The following KSR2 variants were observed in gnomAD, a reference collection of about 807,000 sequenced individuals.
KSR2 encodes the protein kinase suppressor of ras 2.
KSR2 carries 25 observed loss-of-function variants against 107.8 expected under a neutral mutation model. The ratio of observed to expected loss-of-function variants is 0.23; its 90% CI spans 0.17 to 0.32. The LOEUF (loss-of-function observed/expected upper bound fraction) is 0.32, where lower values mean the gene tolerates loss of function less well. KSR2 is among the 10% of genes least tolerant of loss of function. The pLI, the probability that KSR2 is intolerant of heterozygous loss-of-function variation, is 1.00. For synonymous variants in KSR2, 480 were observed against 507.0 expected (o/e 0.95, Z 0.71); for missense variants, 887 against 1,268.9 (o/e 0.70, Z 4.57).
chr12:117,821,986 C>G (rs1312932572), intron 3 of KSR2, among the ~76,000 whole-genome samples: 1 of 152,160 alleles, frequency 6.6e-6, no homozygotes, highest in Non-Finnish European at 1.5e-5. Flanking sequence ...AAAGATCTTC[C>G]TGATAAAACA....
intron 3 of KSR2, among the ~76,000 whole-genome samples, chr12:117,840,009 A>T (rs1285792998): frequency 6.6e-6 from 1 of 152,218 alleles, no homozygotes; most frequent in African/African-American, 2.4e-5. Context: ...AAAGAAAATC[A>T]TCACCCTTAA....
chr12:117,968,305 A>AGCG lies in KSR2; in HGVS notation c.-51_-50insCGC. On this transcript the variant is annotated 5_prime_UTR_variant, in exon 1 of 20. Coordinates refer to ENST00000339824, the MANE Select transcript of KSR2 (RefSeq NM_173598.6). Reference sequence around the variant, plus strand: ...CTCCTCCTCCTCCCAGAGAGAAAAAAGAGGGGGGGGAGTAGAGGTAGTCTA... The same window carrying AGCG: ...CTCCTCCTCCTCCCAGAGAGAAAAAAGCGGAGGGGGGGGAGTAGAGGTAGTCTA... 2.7e-6 allele frequency: 3 copies of AGCG among 1,110,342 alleles called. No homozygotes were observed. Among genetic ancestry groups the AGCG allele is most frequent in the Non-Finnish European group, 3.5e-6 (3 of 858,906 alleles). 68.8% of individuals were successfully genotyped at this position (1,110,342 alleles called of 1,614,324 possible). A position where few individuals can be genotyped will look rare whatever the true frequency, so the allele number is the denominator to read the frequency against.
intron 5 of KSR2, among the ~76,000 whole-genome samples, chr12:117,638,293 T>A (rs1388817131): frequency 6.6e-6 from 1 of 152,172 alleles, no homozygotes. Flanking sequence ...CCTTTTAAAT[T>A]CCGGTTAAAC....
chr12:117,663,583 A>G (rs1884527146), intron 5 of KSR2, among the ~76,000 whole-genome samples: 1 of 152,226 alleles, frequency 6.6e-6, no homozygotes, highest in South Asian at 2.1e-4. Context: ...TAGGGAATTT[A>G]CATGCATTTC....
intron 14 of KSR2, among the ~76,000 whole-genome samples, chr12:117,498,112 G>T (rs1873154779): frequency 6.6e-6 from 1 of 152,170 alleles, no homozygotes; most frequent in Non-Finnish European, 1.5e-5. Context: ...CCTACAGTGA[G>T]TAGGCAACAG....
chr12:117,925,126 T>C (rs1895472156), intron 1 of KSR2, among the ~76,000 whole-genome samples: 1 of 151,426 alleles, frequency 6.6e-6, no homozygotes, highest in Non-Finnish European at 1.5e-5. Flanking sequence ...ATATTTTCTT[T>C]CTTTTTTTTT....
intron 3 of KSR2, among the ~76,000 whole-genome samples, chr12:117,840,050 G>A (rs1312318949): frequency 2.0e-5 from 3 of 151,716 alleles, no homozygotes; most frequent in Non-Finnish European, 4.4e-5. Flanking sequence ...ATATCCAAGT[G>A]GATTTCCTTC....
chr12:117,710,061 C>T (rs1886696590), intron 4 of KSR2, among the ~76,000 whole-genome samples: 1 of 152,184 alleles, frequency 6.6e-6, no homozygotes, highest in South Asian at 2.1e-4. Flanking sequence ...CCTTTGGCAT[C>T]CCATTGGTAT....
In KSR2 at chr12:117,467,147, G is replaced by A. The variant is rs1871185173; in HGVS notation, c.*52C>T. 3.0e-6 allele frequency: 2 copies of A among 667,650 alleles called. No homozygotes were observed. The highest frequency in any genetic ancestry group is 2.8e-5 in the East Asian group (1 of 35,426). The allele number at this position is 667,650 out of a possible 1,614,324, so 41.4% of individuals were successfully genotyped here. On this transcript the variant is annotated 3_prime_UTR_variant, in exon 20 of 20. Transcript: ENST00000339824. ...GAGCTGGCAGAGGACAGAGTAGGGA[G>A]GGAGAGGTGACGGGAGCCCAGGCAG...
intron 3 of KSR2, among the ~76,000 whole-genome samples, chr12:117,793,146 A>T: frequency 7.3e-6 from 1 of 137,726 alleles, no homozygotes; most frequent in Admixed American, 7.3e-5. Flanking sequence ...TAACATGCAT[A>T]TACCAATATG....
At chr12:117,870,474 C>T (rs1893614098) in intron 1 of KSR2, among the ~76,000 whole-genome samples, 1 of 152,072 alleles carries the variant, frequency 6.6e-6, no homozygotes, top group South Asian at 2.1e-4. Context: ...GTGGAACATG[C>T]CTGTAGTCCC....
intron 12 of KSR2, among the ~76,000 whole-genome samples, chr12:117,527,478 T>G (rs1875279887): frequency 6.6e-6 from 1 of 152,214 alleles, no homozygotes; most frequent in Non-Finnish European, 1.5e-5. Flanking sequence ...TAAATTGGCC[T>G]AAATGCCCTG....
chr12:117,724,567 CA>C (rs1261066996), intron 4 of KSR2, among the ~76,000 whole-genome samples: 2 of 126,518 alleles, frequency 1.6e-5, no homozygotes, highest in Admixed American at 8.4e-5. Flanking sequence ...GGATCATCAG[CA>C]AAAAAACCTG....
At chr12:117,705,719 C>T (rs1017371787) in intron 4 of KSR2, among the ~76,000 whole-genome samples, 1 of 152,206 alleles carries the variant, frequency 6.6e-6, no homozygotes, top group Non-Finnish European at 1.5e-5. Flanking sequence ...TAACGAAGCA[C>T]TTAGAACCTG....
intron 3 of KSR2, 104 bp from the exon 4 acceptor site, chr12:117,761,628 C>G (rs2136872645): frequency 2.8e-6 from 3 of 1,069,162 alleles, no homozygotes; most frequent in Non-Finnish European, 4.2e-6. Flanking sequence ...ACCACGTGCC[C>G]ATTACATCAT....
intron 4 of KSR2, among the ~76,000 whole-genome samples, chr12:117,731,778 G>A (rs571802125): frequency 4.6e-5 from 7 of 150,982 alleles, no homozygotes; most frequent in South Asian, 4.2e-4. Context: ...GTCCACTCAG[G>A]GTTAAATGGA....
chr12:117,770,939 T>A (rs554604203), intron 3 of KSR2, among the ~76,000 whole-genome samples: 1 of 137,782 alleles, frequency 7.3e-6, no homozygotes, highest in South Asian at 2.3e-4. Flanking sequence ...ATCGCACCAC[T>A]GCACTCCAGC....
chr12:117,541,019 T>C lies in KSR2; in HGVS notation c.1519-1132A>G, dbSNP rs184075358. 3.2e-3 allele frequency among the ~76,000 whole-genome samples: 481 copies of C among 152,368 alleles called. 3 individuals are homozygous for C. Among genetic ancestry groups the C allele is most frequent in the African/African-American group, 0.011 (466 of 41,600 alleles). On this transcript the variant is annotated intron_variant, in intron 9 of 19. Coordinates refer to ENST00000339824, the MANE Select transcript of KSR2 (RefSeq NM_173598.6). The stretch of plus-strand genomic sequence containing the variant: ...GCCCAACCTTTCCATTCCTCGGTTT[T>C]GTCCTCTGTAAAATGGGAGTAATGA...
chr12:117,950,749 A>AATAAT (rs1555260903), intron 1 of KSR2, among the ~76,000 whole-genome samples: 21,489 of 131,506 alleles, frequency 0.16, 1,987 homozygotes, highest in Middle Eastern at 0.25. Context: ...AAAAAAAAAA[A>AATAAT]AATAATAATA....
Sources: allele counts gnomAD v4.1 joint callset (sites outside exome capture counted in the v4.1 genomes callset), GRCh38; gene constraint gnomAD v4.1.1; transcripts MANE v1.5; gene names NCBI Gene and HGNC (gene_info 2026-07-23, HGNC 2026-07-21).